The following CADM2 variants were observed in gnomAD, a reference collection of about 807,000 sequenced individuals.
CADM2 encodes cell adhesion molecule 2, also known as immunoglobulin superfamily member 4D.
A neutral mutation model predicts 49.8 loss-of-function variants in CADM2; 12 were observed. The ratio of observed to expected loss-of-function variants is 0.24; its 90% CI spans 0.15 to 0.39. The LOEUF is 0.39. Ranked by LOEUF, CADM2 falls within the 10% of genes least tolerant of loss-of-function variation. The pLI is 1.00. For missense variants in CADM2, 378 were observed against 492.3 expected, an observed-to-expected ratio of 0.77 and a Z score of 2.20; for synonymous variants, 214 against 175.4, an observed-to-expected ratio of 1.22 and a Z score of -1.74.
In CADM2 at chr3:85,544,112, TG is replaced by T. The variant is rs568587459; in HGVS notation, c.62-182409del. Among the ~76,000 whole-genome samples the T allele has an allele frequency of 2.5e-4, 38 of 152,266 alleles. 1 individual carries two copies. In the South Asian group the frequency reaches 6.6e-3, roughly 27 times the overall value. ...AACACAATTTTTAAGAAAAAACTAA[TG>T]TCAAGTAAGACACAGGCAAATAATG... On this transcript the variant is annotated intron_variant, in intron 1 of 9. Transcript: ENST00000383699.
intron 1 of CADM2, among the ~76,000 whole-genome samples, chr3:85,016,359 A>G (rs1472180636): frequency 1.3e-5 from 2 of 152,350 alleles, no homozygotes; most frequent in South Asian, 2.1e-4. Flanking sequence ...GGATGACCAG[A>G]GAAAATGGAA....
chr3:85,411,057 A>C (rs1051752874), intron 1 of CADM2, among the ~76,000 whole-genome samples: 1 of 152,208 alleles, frequency 6.6e-6, no homozygotes, highest in South Asian at 2.1e-4. Flanking sequence ...TGACTAGTGC[A>C]CTCTGAAGTA....
chr3:85,360,720 C>T (rs2032294914), intron 1 of CADM2, among the ~76,000 whole-genome samples: 1 of 152,160 alleles, frequency 6.6e-6, no homozygotes, highest in Non-Finnish European at 1.5e-5. Flanking sequence ...CCAATTCTGA[C>T]ACCCTTATTG....
At chr3:85,869,112 C>T (rs1356880448) in intron 3 of CADM2, among the ~76,000 whole-genome samples, 1 of 151,914 alleles carries the variant, frequency 6.6e-6, no homozygotes, top group African/African-American at 2.4e-5. Context: ...TCATGCTTCC[C>T]ATTTACTTTT....
chr3:85,154,713 G>A (rs2040046666), intron 1 of CADM2, among the ~76,000 whole-genome samples: 1 of 148,388 alleles, frequency 6.7e-6, no homozygotes, highest in Admixed American at 6.7e-5. Flanking sequence ...CCCTCAAAGG[G>A]AAGCCCATCA....
At chr3:85,734,213 G>A (rs2068042770) in intron 2 of CADM2, among the ~76,000 whole-genome samples, 1 of 152,026 alleles carries the variant, frequency 6.6e-6, no homozygotes, top group East Asian at 1.9e-4. Context: ...CAGAATTCCT[G>A]GGTTCTAGGG....
intron 1 of CADM2, among the ~76,000 whole-genome samples, chr3:85,196,950 A>G (rs1378073781): frequency 1.3e-5 from 2 of 151,968 alleles, no homozygotes; most frequent in African/African-American, 4.8e-5. Context: ...TAAATGGAAA[A>G]GCAAAGTATA....
intron 1 of CADM2, among the ~76,000 whole-genome samples, chr3:85,425,122 G>T (rs2107506908): frequency 6.6e-6 from 1 of 152,298 alleles, no homozygotes; most frequent in Middle Eastern, 3.4e-3. Flanking sequence ...TTACTCAAAA[G>T]AGTAGTTGGG....
intron 1 of CADM2, among the ~76,000 whole-genome samples, chr3:85,708,668 A>G (rs1343702328): frequency 1.3e-5 from 2 of 152,194 alleles, no homozygotes; most frequent in East Asian, 3.8e-4. Context: ...ATAAAAATGA[A>G]TCCACAAATT....
intron 1 of CADM2, among the ~76,000 whole-genome samples, chr3:84,997,630 C>T (rs2033248684): frequency 6.6e-6 from 1 of 151,494 alleles, no homozygotes; most frequent in African/African-American, 2.4e-5. Context: ...TTATTTATTT[C>T]AGAATATCTA....
intron 5 of CADM2, among the ~76,000 whole-genome samples, chr3:85,902,702 T>G (rs1716286204): frequency 6.6e-6 from 1 of 151,496 alleles, no homozygotes; most frequent in Non-Finnish European, 1.5e-5. Context: ...CTGTAAAAAT[T>G]TTTCACTTTA....
intron 1 of CADM2, among the ~76,000 whole-genome samples, chr3:85,444,443 T>TCACACACA (rs4053296): frequency 1.0e-4 from 15 of 147,928 alleles, no homozygotes; most frequent in African/African-American, 3.7e-4. Context: ...TCCTACACAC[T>TCACACACA]CACACACACA....
intron 1 of CADM2, among the ~76,000 whole-genome samples, chr3:85,262,200 G>A (rs1470845515): frequency 6.6e-6 from 1 of 151,952 alleles, no homozygotes; most frequent in African/African-American, 2.4e-5. Flanking sequence ...ATTCAAGTGA[G>A]GCCTAATTTC....
intron 3 of CADM2, among the ~76,000 whole-genome samples, chr3:85,860,156 T>A (rs1405792916): frequency 6.6e-6 from 1 of 152,174 alleles, no homozygotes; most frequent in Non-Finnish European, 1.5e-5. Flanking sequence ...AAAGATTTAT[T>A]ACATATTCAT....
intron 1 of CADM2, among the ~76,000 whole-genome samples, chr3:85,445,035 T>C (rs2037380869): frequency 6.6e-6 from 1 of 152,136 alleles, no homozygotes; most frequent in South Asian, 2.1e-4. Context: ...ATCATTATCA[T>C]GATCATAACT....
intron 6 of CADM2, among the ~76,000 whole-genome samples, chr3:85,932,409 C>G (rs1388047864): frequency 6.6e-6 from 1 of 152,096 alleles, no homozygotes; most frequent in Non-Finnish European, 1.5e-5. Flanking sequence ...CAGAACTGCA[C>G]TAGGATATAA....
At chr3:85,533,485 G>T (rs974122859) in intron 1 of CADM2, among the ~76,000 whole-genome samples, 1 of 152,226 alleles carries the variant, frequency 6.6e-6, no homozygotes, top group South Asian at 2.1e-4. Context: ...GATTTTCTGA[G>T]ATTTTATCGA....
chr3:85,577,792 A>C (rs1344616630), intron 1 of CADM2, among the ~76,000 whole-genome samples: 1 of 152,016 alleles, frequency 6.6e-6, no homozygotes, highest in African/African-American at 2.4e-5. Flanking sequence ...TAAAGTTTTT[A>C]AATTGCCCTA....
At chr3:85,500,611 G>T (rs1171828226) in intron 1 of CADM2, among the ~76,000 whole-genome samples, 1 of 151,706 alleles carries the variant, frequency 6.6e-6, no homozygotes, top group Non-Finnish European at 1.5e-5. Flanking sequence ...TCCCTCTCCA[G>T]GGTTCACGTC....
Sources: allele counts gnomAD v4.1 joint callset (sites outside exome capture counted in the v4.1 genomes callset), GRCh38; gene constraint gnomAD v4.1.1; transcripts MANE v1.5; gene names NCBI Gene and HGNC (gene_info 2026-07-23, HGNC 2026-07-21).